Variants in COL2A1 observed in about 807,000 individuals in gnomAD.
COL2A1 encodes collagen type II alpha 1 chain, also known as collagen alpha-1(II) chain.
In COL2A1, 28 loss-of-function variants were observed where a neutral mutation model predicts 204.5. The observed-to-expected ratio is 0.14, with a 90% CI of 0.10 to 0.19. COL2A1 has a LOEUF of 0.19. COL2A1 is among the 10% of genes least tolerant of loss of function. The probability of loss-of-function intolerance (pLI) is 1.00; values close to 1 mark genes in which losing one functional copy is unlikely to be tolerated. For synonymous variants in COL2A1, 708 were observed against 718.7 expected (o/e 0.99, Z 0.24); for missense variants, 1,388 against 2,027.5 (o/e 0.68, Z 6.06).
At chr12:47,996,510 T>G in intron 8 of COL2A1, 38 bp downstream of exon 8, 1 of 1,568,758 alleles carries the variant, frequency 6.4e-7, no homozygotes, top group South Asian at 1.1e-5. Context: ...GGCCACCTCC[T>G]GCCATTTTGG....
chr12:47,983,149 A>C lies in COL2A1; in HGVS notation c.2050-12T>G, dbSNP rs1939191097. 1 of 1,613,156 alleles carries C rather than the reference A, an allele frequency of 6.2e-7. No homozygotes were observed. The highest frequency in any genetic ancestry group is 8.5e-7 in the Non-Finnish European group (1 of 1,179,582). On this transcript the variant is annotated splice_polypyrimidine_tract_variant and intron_variant, in intron 31 of 53. Coordinates refer to ENST00000380518, the MANE Select transcript of COL2A1 (RefSeq NM_001844.5). ...TCACCGGGAACACCCTGGAGAACAA[A>C]GAAAGATGTGTGAGAGTGAAGGCTT...
Position 47,997,632 on chromosome 12 carries a change from G to T in COL2A1, c.505C>A (p.Pro169Thr), listed in dbSNP as rs770027510. ...CCACCAAGACCAGGGGGACCAGGGG[G>T]GCCGGGAGGACCAGGGGGGCCAGGA... ...GNPGPPGPPG[P>T]PGPPGLGGNF... The change falls in exon 7 of 54, where the codon CCC becomes ACC. Residue 169 changes from proline (P) to threonine (T), a missense_variant. Around this residue, in one of 3 missense-constraint regions of COL2A1, gnomAD observed 201 missense variants for 242.4 expected, o/e 0.83. Coordinates refer to ENST00000380518, the MANE Select transcript of COL2A1 (RefSeq NM_001844.5). 1.9e-6 allele frequency: 3 copies of T among 1,613,702 alleles called. No individual in the cohort carries two copies. In the Admixed American group the frequency reaches 5.0e-5, roughly 27 times the overall value.
Position 47,993,513 on chromosome 12 carries a change from G to C in COL2A1, c.925-11C>G, listed in dbSNP as rs1250603258. The C allele has an allele frequency of 6.2e-7, 1 of 1,613,070 alleles. No homozygotes were observed. The highest frequency in any genetic ancestry group is 1.7e-5 in the Admixed American group (1 of 60,030). ...GGAACCACTCTCACCCTGGAAAAATGATGCACAAGGTCAGTGTCTGGGACC... is the reference window on the plus strand; with the variant it reads ...GGAACCACTCTCACCCTGGAAAAATCATGCACAAGGTCAGTGTCTGGGACC... On this transcript the variant is annotated splice_polypyrimidine_tract_variant and intron_variant, in intron 14 of 53. Transcript: ENST00000380518.
chr12:47,981,415 G>T lies in COL2A1; in HGVS notation c.2410-19C>A, dbSNP rs755457830. ...CTTCTCCCTGAGGGTGGGGAAGGGA[G>T]GAAGAGCTGGGGTAAGAAGGTGGGG... On this transcript the variant is annotated intron_variant, in intron 36 of 53. Transcript: ENST00000380518. 2.6e-5 allele frequency: 41 copies of T among 1,604,630 alleles called. 1 individual carries two copies. The Admixed American group carries it at 6.6e-4, about 26-fold the overall frequency.
chr12:47,989,616 AAAC>A, intron 17 of COL2A1, 142 bp downstream of exon 17: 1 of 796,060 alleles, frequency 1.3e-6, no homozygotes, highest in South Asian at 1.4e-5. Context: ...TGATATTTAC[AAAC>A]TTCTTCTCTT....
rs1400155719 is a variant in COL2A1, at chr12:47,986,815, G to T, written c.1419+20C>A. 6.2e-7 allele frequency: 1 copy of T among 1,614,050 alleles called. No homozygotes were observed. On this transcript the variant is annotated intron_variant, in intron 22 of 53. Coordinates refer to ENST00000380518, the MANE Select transcript of COL2A1 (RefSeq NM_001844.5). The stretch of plus-strand genomic sequence containing the variant: ...TAGAACAGCAGCAGAGAAGACAAGG[G>T]CTTGGGGGCAGATACTCACAGGTTC...
At position 47,978,875 on chromosome 12, in the gene COL2A1, C is replaced by T; in HGVS notation, c.2734-117G>A. 9.4e-7 allele frequency: 1 copy of T among 1,059,292 alleles called. No individual in the cohort carries two copies. The highest frequency in any genetic ancestry group is 2.5e-5 in the East Asian group (1 of 39,522). 65.6% of individuals were successfully genotyped at this position (1,059,292 alleles called of 1,614,324 possible). The stretch of plus-strand genomic sequence containing the variant: ...CTCTCTGGGGGCTTCTCTACCTCCC[C>T]ACACTAAGGGCAGGCAGCTTAACCC... On this transcript the variant is annotated intron_variant, in intron 41 of 53. Transcript: ENST00000380518. The surrounding 1 kb of genome is among the most constrained non-coding windows in gnomAD (Gnocchi z 5.5).
intron 41 of COL2A1, among the ~76,000 whole-genome samples, 190 bp downstream of exon 41, chr12:47,979,321 A>G (rs1481928150): frequency 6.6e-6 from 1 of 152,174 alleles, no homozygotes; most frequent in Admixed American, 6.5e-5. Context: ...CATTGCTGAC[A>G]GCAGGGCCAC....
At chr12:47,989,683 C>A (rs1939608576) in intron 17 of COL2A1, 78 bp downstream of exon 17, 7 of 1,274,346 alleles carry the variant, frequency 5.5e-6, no homozygotes, top group Non-Finnish European at 2.3e-6. Context: ...ACCCAATACA[C>A]CCTGCAGACT....
intron 2 of COL2A1, chr12:47,999,695 T>C (rs1419641981): frequency 1.4e-5 from 6 of 425,376 alleles, no homozygotes; most frequent in African/African-American, 9.8e-5. Flanking sequence ...GAAGCAAATG[T>C]TTTTGGAGAT....
intron 50 of COL2A1, 91 bp downstream of exon 50, chr12:47,975,872 A>G: frequency 1.0e-6 from 1 of 983,726 alleles, no homozygotes; most frequent in Non-Finnish European, 1.7e-6. Context: ...CTGCAGGCTG[A>G]TGCCCTAAAA....
upstream of COL2A1, chr12:48,006,175 T>C (rs1940460642): frequency 6.6e-6 from 1 of 152,208 alleles, no homozygotes; most frequent in Admixed American, 6.5e-5. Context: ...CAGTGCCCCA[T>C]GTCCTCTTTG....
intron 18 of COL2A1, among the ~76,000 whole-genome samples, chr12:47,988,762 T>A (rs1309376769): frequency 6.6e-6 from 1 of 152,208 alleles, no homozygotes; most frequent in Non-Finnish European, 1.5e-5. Context: ...GTTAACATGG[T>A]TTGGAAGAGC....
intron 35 of COL2A1, 133 bp downstream of exon 35, chr12:47,981,974 C>T: frequency 7.8e-7 from 1 of 1,278,418 alleles, no homozygotes; most frequent in Non-Finnish European, 1.1e-6. Context: ...AGAGAAGTCC[C>T]TGCAGTTGCC....
chr12:47,982,447 G>T, intron 34 of COL2A1, 55 bp downstream of exon 34: 2 of 1,415,816 alleles, frequency 1.4e-6, no homozygotes, highest in Non-Finnish European at 2.0e-6. Flanking sequence ...ATCACAAGGG[G>T]CAGGAATGTG....
chr12:47,981,447 A>G, intron 36 of COL2A1, 51 bp from the exon 37 acceptor site: 1 of 1,543,800 alleles, frequency 6.5e-7, no homozygotes, highest in Non-Finnish European at 8.9e-7. Context: ...GGGGAGGCAG[A>G]GTGGGAGAGG....
intron 36 of COL2A1, 138 bp downstream of exon 36, chr12:47,981,638 G>T: frequency 9.1e-7 from 1 of 1,098,778 alleles, no homozygotes; most frequent in Non-Finnish European, 1.4e-6. Context: ...CTTCTGAGAG[G>T]GCCCCCTCTT....
At chr12:47,999,893 TG>T (rs1940150655) in intron 2 of COL2A1, 25 bp downstream of exon 2, 2 of 1,593,062 alleles carry the variant, frequency 1.3e-6, no homozygotes, top group Non-Finnish European at 1.7e-6. Context: ...TTATTTATGT[TG>T]AACAGGAAAT....
chr12:47,995,693 G>A lies in COL2A1; in HGVS notation c.708+17C>T. 1 of 1,613,230 alleles carries A rather than the reference G, an allele frequency of 6.2e-7. No individual in the cohort carries two copies. Among genetic ancestry groups the A allele is most frequent in the East Asian group, 2.2e-5 (1 of 44,874 alleles). ...GAGGCTCCCCCAGAGAAGGGACAGG[G>A]CCGTGCTGGTACTCACAGAGACACC... is the stretch of plus-strand genomic sequence containing the variant. On this transcript the variant is annotated intron_variant, in intron 10 of 53. Transcript: ENST00000380518.
Sources: allele counts gnomAD v4.1 joint callset (sites outside exome capture counted in the v4.1 genomes callset), GRCh38; gene constraint gnomAD v4.1.1; regional missense constraint gnomAD v4.1.1; non-coding constraint Gnocchi (gnomAD v3.1); transcripts MANE v1.5; gene names NCBI Gene and HGNC (gene_info 2026-07-23, HGNC 2026-07-21).